The following EVA1A variants were observed in gnomAD, a reference collection of about 807,000 sequenced individuals.
The protein encoded by EVA1A is eva-1 homolog A, regulator of programmed cell death.
In EVA1A, 7 loss-of-function variants were observed where a neutral mutation model predicts 9.8. The ratio of observed to expected loss-of-function variants is 0.71; its 90% CI spans 0.41 to 1.34. EVA1A has a LOEUF of 1.34. Ranked by LOEUF, EVA1A falls within the 40% of genes most tolerant of loss-of-function variation. EVA1A has a pLI of 0.01. For synonymous variants in EVA1A, 90 were observed against 85.6 expected (o/e 1.05, Z -0.28); for missense variants, 206 against 205.9 (o/e 1.00, Z 0.00).
intron 1 of EVA1A, among the ~76,000 whole-genome samples, chr2:75,540,576 T>G (rs796504478): frequency 2.0e-5 from 3 of 152,332 alleles, no homozygotes; most frequent in African/African-American, 7.2e-5. Flanking sequence ...TGCACAGTAA[T>G]TCAAGCAGCA....
chr2:75,494,060 C>T (rs1159038909), intron 3 of EVA1A, among the ~76,000 whole-genome samples: 1 of 152,140 alleles, frequency 6.6e-6, no homozygotes, highest in Non-Finnish European at 1.5e-5. Context: ...AGATGAACCC[C>T]ATCTCCTAGT....
intron 1 of EVA1A, among the ~76,000 whole-genome samples, chr2:75,524,737 A>G (rs571370855): frequency 5.8e-4 from 88 of 152,048 alleles, no homozygotes; most frequent in African/African-American, 1.6e-3. Context: ...CCTCCCTTCC[A>G]TCTCATTCTG....
At chr2:75,564,147 T>A (rs1434458053), upstream of EVA1A, among the ~76,000 whole-genome samples, 1 of 152,208 alleles carries the variant, frequency 6.6e-6, no homozygotes, top group African/African-American at 2.4e-5. Context: ...AAGCTCCCTA[T>A]CCTGGTCTCA....
chr2:75,549,340 G>A (rs1026757425), intron 1 of EVA1A, among the ~76,000 whole-genome samples: 5 of 152,142 alleles, frequency 3.3e-5, no homozygotes, highest in African/African-American at 7.2e-5. Flanking sequence ...GAGCCACACA[G>A]CATCCCAGCC....
intron 1 of EVA1A, among the ~76,000 whole-genome samples, chr2:75,537,887 A>C (rs937319760): frequency 6.6e-6 from 1 of 152,318 alleles, no homozygotes; most frequent in East Asian, 1.9e-4. Flanking sequence ...GCAGATGCTG[A>C]TGCTATGCTT....
At chr2:75,541,280 C>G (rs528447963) in intron 1 of EVA1A, among the ~76,000 whole-genome samples, 1 of 152,322 alleles carries the variant, frequency 6.6e-6, no homozygotes, top group African/African-American at 2.4e-5. Context: ...TTTTCAGACT[C>G]TAGATTCTGT....
chr2:75,496,272 A>G (rs1456876321), intron 3 of EVA1A, among the ~76,000 whole-genome samples: 2 of 152,224 alleles, frequency 1.3e-5, no homozygotes, highest in African/African-American at 2.4e-5. Context: ...ATATGATTCT[A>G]TACCCAGAAA....
chr2:75,545,739 G>A (rs1211751752), intron 1 of EVA1A, among the ~76,000 whole-genome samples: 2 of 152,220 alleles, frequency 1.3e-5, no homozygotes, highest in East Asian at 3.9e-4. Context: ...ATTAATACAG[G>A]CATTTGATTG....
chr2:75,515,777 T>C (rs897117228), intron 3 of EVA1A, among the ~76,000 whole-genome samples: 1 of 152,074 alleles, frequency 6.6e-6, no homozygotes, highest in East Asian at 1.9e-4. Context: ...GAGTACAACT[T>C]TGAAGTAAAA....
chr2:75,526,465 A>T (rs568197824), intron 1 of EVA1A, among the ~76,000 whole-genome samples: 14 of 144,956 alleles, frequency 9.7e-5, no homozygotes, highest in Admixed American at 2.7e-4. Flanking sequence ...TAAGTTTCAT[A>T]ACAGTCCCAT....
At chr2:75,500,653 C>A (rs565323968) in intron 3 of EVA1A, among the ~76,000 whole-genome samples, 51 of 152,080 alleles carry the variant, frequency 3.4e-4, no homozygotes, top group Non-Finnish European at 6.5e-4. Flanking sequence ...TCACATCGAT[C>A]TCATTCTCTT....
chr2:75,530,424 C>A (rs1423723884), intron 1 of EVA1A, among the ~76,000 whole-genome samples: 1 of 152,016 alleles, frequency 6.6e-6, no homozygotes, highest in African/African-American at 2.4e-5. Flanking sequence ...CAGCCTAATA[C>A]CAAAACCAGG....
chr2:75,504,010 C>T (rs1475543969), intron 3 of EVA1A, among the ~76,000 whole-genome samples: 1 of 152,092 alleles, frequency 6.6e-6, no homozygotes, highest in Non-Finnish European at 1.5e-5. Context: ...ATCTTAACCC[C>T]CCAAAATAAT....
intron 3 of EVA1A, among the ~76,000 whole-genome samples, chr2:75,502,957 G>C (rs1262485880): frequency 1.3e-5 from 2 of 152,112 alleles, no homozygotes; most frequent in Non-Finnish European, 2.9e-5. Context: ...TATTACATAG[G>C]CCTAACTTCA....
intron 1 of EVA1A, among the ~76,000 whole-genome samples, chr2:75,555,272 T>C (rs1028190824): frequency 1.4e-5 from 2 of 143,450 alleles, no homozygotes; most frequent in African/African-American, 5.2e-5. Flanking sequence ...CTGGATTTTA[T>C]GTGAAACAGA....
chr2:75,529,052 A>G (rs1675554154), intron 1 of EVA1A, among the ~76,000 whole-genome samples: 1 of 152,204 alleles, frequency 6.6e-6, no homozygotes, highest in African/African-American at 2.4e-5. Flanking sequence ...CACAGAATCC[A>G]CTTCACTCTA....
chr2:75,552,461 T>C (rs1250263822), intron 1 of EVA1A, among the ~76,000 whole-genome samples: 1 of 152,158 alleles, frequency 6.6e-6, no homozygotes, highest in East Asian at 1.9e-4. Flanking sequence ...CTTACTCCCC[T>C]GTTCAATCAG....
intron 1 of EVA1A, among the ~76,000 whole-genome samples, chr2:75,548,723 C>T (rs1328506421): frequency 2.0e-5 from 3 of 152,084 alleles, no homozygotes; most frequent in African/African-American, 7.2e-5. Context: ...TTCTCCTTTA[C>T]TGGACACCCC....
At chr2:75,566,827 A>T (rs1677037021) in intron 1 of EVA1A, among the ~76,000 whole-genome samples, 2 of 151,634 alleles carry the variant, frequency 1.3e-5, no homozygotes, top group African/African-American at 4.9e-5. Flanking sequence ...AACATAGCTT[A>T]GTATAAAATT....
Sources: allele counts gnomAD v4.1 joint callset (sites outside exome capture counted in the v4.1 genomes callset), GRCh38; gene constraint gnomAD v4.1.1; transcripts MANE v1.5; gene names NCBI Gene and HGNC (gene_info 2026-07-23, HGNC 2026-07-21).